The following UNC5D variants were observed in gnomAD, a reference collection of about 807,000 sequenced individuals.
The protein encoded by UNC5D is unc-5 netrin receptor D, also known as netrin receptor UNC5D.
A neutral mutation model predicts 105.4 loss-of-function variants in UNC5D; 39 were observed. The ratio of observed to expected loss-of-function variants is 0.37; its 90% CI spans 0.29 to 0.48. The LOEUF is 0.48. Among genes scored for constraint, UNC5D ranks in the 20% least tolerant of loss-of-function variants. UNC5D has a pLI of 0.98. For missense variants in UNC5D, 991 were observed against 1,202.4 expected, an observed-to-expected ratio of 0.82 and a Z score of 2.60; for synonymous variants, 452 against 450.4, an observed-to-expected ratio of 1.00 and a Z score of -0.04.
intron 1 of UNC5D, among the ~76,000 whole-genome samples, chr8:35,326,843 T>C (rs12680114): frequency 0.44 from 66,248 of 151,872 alleles, 14,725 homozygotes; most frequent in East Asian, 0.7. Context: ...CCTGCAGGAA[T>C]CACCACTAGG....
At chr8:35,557,048 G>A (rs1422507326) in intron 2 of UNC5D, among the ~76,000 whole-genome samples, 2 of 152,210 alleles carry the variant, frequency 1.3e-5, no homozygotes, top group South Asian at 4.1e-4. Flanking sequence ...GAAGCAACAG[G>A]ATTGGAAATC....
intron 1 of UNC5D, among the ~76,000 whole-genome samples, chr8:35,356,535 G>A (rs1251450175): frequency 6.6e-6 from 1 of 152,058 alleles, no homozygotes; most frequent in African/African-American, 2.4e-5. Context: ...AGGTATGACA[G>A]CAAAAGTAGC....
intron 1 of UNC5D, among the ~76,000 whole-genome samples, chr8:35,241,595 G>A (rs143694015): frequency 6.6e-6 from 1 of 151,740 alleles, no homozygotes; most frequent in East Asian, 1.9e-4. Flanking sequence ...TCAGGACAAG[G>A]ATAAAATGAG....
intron 3 of UNC5D, among the ~76,000 whole-genome samples, chr8:35,574,816 T>G (rs1190587648): frequency 2.0e-5 from 3 of 152,166 alleles, no homozygotes; most frequent in African/African-American, 7.2e-5. Context: ...TGGCATGACC[T>G]AGATGCTTAG....
intron 8 of UNC5D, among the ~76,000 whole-genome samples, chr8:35,709,924 C>G (rs373470053): frequency 9.2e-5 from 14 of 152,122 alleles, no homozygotes; most frequent in Admixed American, 5.2e-4. Flanking sequence ...GTCAGAGAAG[C>G]AAGGTGAGGG....
chr8:35,546,838 C>T (rs1019727546), intron 1 of UNC5D, among the ~76,000 whole-genome samples: 3 of 152,038 alleles, frequency 2.0e-5, no homozygotes, highest in Non-Finnish European at 2.9e-5. Context: ...ACCCCGAAAC[C>T]CCTCTTACTC....
intron 3 of UNC5D, among the ~76,000 whole-genome samples, chr8:35,587,325 A>G (rs564121459): frequency 3.6e-4 from 55 of 152,268 alleles, no homozygotes; most frequent in Non-Finnish European, 6.5e-4. Flanking sequence ...AAAGATGACA[A>G]TGAATGAAAG....
intron 1 of UNC5D, among the ~76,000 whole-genome samples, chr8:35,414,270 C>A (rs1433275218): frequency 6.6e-6 from 1 of 152,054 alleles, no homozygotes; most frequent in Non-Finnish European, 1.5e-5. Context: ...CCTTTGTGTG[C>A]TCTTGAATAC....
At chr8:35,788,898 C>T (rs1046445829) in intron 16 of UNC5D, among the ~76,000 whole-genome samples, 20 of 151,604 alleles carry the variant, frequency 1.3e-4, no homozygotes, top group African/African-American at 4.1e-4. Context: ...CATTTTTTCC[C>T]GAGACAAATC....
At chr8:35,682,961 G>T (rs1269148068) in intron 4 of UNC5D, among the ~76,000 whole-genome samples, 1 of 152,154 alleles carries the variant, frequency 6.6e-6, no homozygotes, top group Non-Finnish European at 1.5e-5. Flanking sequence ...TAACGTAAAT[G>T]ATCACCAAAG....
At chr8:35,313,068 T>G (rs1192652685) in intron 1 of UNC5D, among the ~76,000 whole-genome samples, 1 of 152,146 alleles carries the variant, frequency 6.6e-6, no homozygotes, top group Admixed American at 6.5e-5. Flanking sequence ...TTAATGAAAT[T>G]TTTTACTTAC....
intron 4 of UNC5D, among the ~76,000 whole-genome samples, chr8:35,672,620 A>G (rs1160431440): frequency 1.3e-5 from 2 of 152,186 alleles, no homozygotes; most frequent in African/African-American, 4.8e-5. Context: ...AAATGGCAGC[A>G]TGTAACCTCC....
chr8:35,492,306 C>T (rs1489164297), intron 1 of UNC5D, among the ~76,000 whole-genome samples: 1 of 151,968 alleles, frequency 6.6e-6, no homozygotes, highest in African/African-American at 2.4e-5. Flanking sequence ...TTTATTTTAA[C>T]TGTGACATGA....
intron 1 of UNC5D, among the ~76,000 whole-genome samples, chr8:35,361,408 A>T (rs190445682): frequency 1.3e-5 from 2 of 152,190 alleles, no homozygotes; most frequent in African/African-American, 2.4e-5. Context: ...ATGTGACCTT[A>T]TGTTAAGACT....
In UNC5D at chr8:35,568,241, T is replaced by C; in HGVS notation, c.466T>C (p.Tyr156His). The C allele has an allele frequency of 1.2e-6, 2 of 1,613,568 alleles. No homozygotes were observed. Among genetic ancestry groups the C allele is most frequent in the Non-Finnish European group, 1.7e-6 (2 of 1,179,750 alleles). ...CAGGAAGGCCTCTGTGCGCATAGCC[T>C]GTAAGTACATTCTGGGTGACCTTGT... ...KSRKASVRIA[Y>H]LRKNFEQDPQ... The change falls in exon 3 of 17, where the codon TAT (tyrosine) becomes CAT (histidine). Residue 156 changes from tyrosine to histidine, a missense_variant and splice_region_variant. Tyr to His is a moderately conservative substitution (Grantham distance 83). This residue lies in a region of UNC5D where 944 missense variants were observed against 1,131.6 expected (regional missense o/e 0.83). Transcript: ENST00000404895.
At chr8:35,453,567 T>C (rs1243057108) in intron 1 of UNC5D, among the ~76,000 whole-genome samples, 1 of 152,176 alleles carries the variant, frequency 6.6e-6, no homozygotes. Context: ...TTTGTTTCCT[T>C]CACATTTAGT....
chr8:35,330,443 C>T (rs1810525484), intron 1 of UNC5D, among the ~76,000 whole-genome samples: 1 of 152,144 alleles, frequency 6.6e-6, no homozygotes, highest in Non-Finnish European at 1.5e-5. Flanking sequence ...TAATCACTGG[C>T]TAATAAAACC....
At chr8:35,591,756 G>A (rs1819189054) in intron 3 of UNC5D, among the ~76,000 whole-genome samples, 1 of 152,124 alleles carries the variant, frequency 6.6e-6, no homozygotes, top group African/African-American at 2.4e-5. Context: ...GGGAATAGAG[G>A]AGTGAAAGTC....
intron 1 of UNC5D, among the ~76,000 whole-genome samples, chr8:35,392,263 T>A (rs983416076): frequency 6.6e-5 from 10 of 152,158 alleles, no homozygotes; most frequent in African/African-American, 2.4e-4. Flanking sequence ...TGGAATGCAG[T>A]GGCACCATCC....
Sources: allele counts gnomAD v4.1 joint callset (sites outside exome capture counted in the v4.1 genomes callset), GRCh38; gene constraint gnomAD v4.1.1; regional missense constraint gnomAD v4.1.1; transcripts MANE v1.5; gene names NCBI Gene and HGNC (gene_info 2026-07-23, HGNC 2026-07-21).